The following SMARCA5 variants were observed in gnomAD, a reference collection of about 807,000 sequenced individuals.
SMARCA5 encodes the protein SNF2 related chromatin remodeling ATPase 5.
SMARCA5 carries 18 observed loss-of-function variants against 140.4 expected under a neutral mutation model. The ratio of observed to expected loss-of-function variants is 0.13; its 90% CI spans 0.09 to 0.19. The LOEUF is 0.19. Ranked by LOEUF, SMARCA5 falls within the 10% of genes least tolerant of loss-of-function variation. The pLI, the probability that SMARCA5 is intolerant of heterozygous loss-of-function variation, is 1.00. For missense variants in SMARCA5, 606 were observed against 1,276.8 expected, an observed-to-expected ratio of 0.47 and a Z score of 8.01; for synonymous variants, 449 against 419.6, an observed-to-expected ratio of 1.07 and a Z score of -0.86.
rs767698380 is a variant in SMARCA5, at chr4:143,527,873, T to G, written c.807T>G (p.Ala269=). Reference sequence around the variant, plus strand: ...TTTTTTCTCTTGTTACACAGGCTGCTTTTGTCAGAGACGTTTTATTACCGG... The same window carrying G: ...TTTTTTCTCTTGTTACACAGGCTGCGTTTGTCAGAGACGTTTTATTACCGG... ...CLIGDKEQRA[A]FVRDVLLPGE... The change falls in exon 7 of 24, where the codon GCT becomes GCG. Residue 269 remains alanine (A), a synonymous_variant. Transcript: ENST00000283131. The G allele has an allele frequency of 1.3e-6, 2 of 1,592,542 alleles. No homozygotes were observed. The highest frequency in any genetic ancestry group is 1.7e-6 in the Non-Finnish European group (2 of 1,174,824).
chr4:143,548,183 AG>A (rs1038905445), intron 22 of SMARCA5, 43 bp downstream of exon 22: 10 of 1,143,392 alleles, frequency 8.7e-6, no homozygotes, highest in African/African-American at 3.1e-5. Context: ...CAGAGTTCAG[AG>A]TAAGTGTCAT....
At chr4:143,535,443 G>A (rs1737283737) in intron 10 of SMARCA5, among the ~76,000 whole-genome samples, 1 of 152,092 alleles carries the variant, frequency 6.6e-6, no homozygotes, top group South Asian at 2.1e-4. Flanking sequence ...ATATTTAACT[G>A]CATACTTAAA....
At position 143,517,164 on chromosome 4, in the gene SMARCA5, G is replaced by A. The variant is rs75625733; in HGVS notation, c.178-191G>A. Among the ~76,000 whole-genome samples, 916 of 152,208 alleles carry A rather than the reference G, an allele frequency of 6.0e-3. 10 individuals carry two copies. Among genetic ancestry groups the A allele is most frequent in the African/African-American group, 0.021 (876 of 41,534 alleles). Reference sequence around the variant, plus strand: ...CAGTTTATATATATGGGTTAAATACGTTGTTATCCCCATAGTATCTAATAT... The same window carrying A: ...CAGTTTATATATATGGGTTAAATACATTGTTATCCCCATAGTATCTAATAT... On this transcript the variant is annotated intron_variant, in intron 1 of 23. Transcript: ENST00000283131.
chr4:143,555,127 GC>G lies in SMARCA5; in HGVS notation c.*1945del. The G allele has an allele frequency of 1.5e-6, 1 of 687,992 alleles. No individual in the cohort carries two copies. The highest frequency in any genetic ancestry group is 1.8e-5 in the Admixed American group (1 of 55,606). 42.6% of individuals were successfully genotyped at this position (687,992 alleles called of 1,614,324 possible). ...CACAGCTACTACTGCTACTGGAACTGCCTTAACCACTACTGCTACTGGAACT... is the reference window on the plus strand; with the variant it reads ...CACAGCTACTACTGCTACTGGAACTGCTTAACCACTACTGCTACTGGAACT... On this transcript the variant is annotated 3_prime_UTR_variant, in exon 24 of 24. Coordinates refer to ENST00000283131, the MANE Select transcript of SMARCA5 (RefSeq NM_003601.4).
In SMARCA5 at chr4:143,536,458, T is replaced by C. The variant is rs375574989; in HGVS notation, c.1275T>C (p.Thr425=). The change falls in exon 11 of 24, where the codon ACT becomes ACC. Residue 425 remains threonine (T), a synonymous_variant. Transcript: ENST00000283131. The part of the protein sequence containing the change: ...GLSKMQREWY[T]RILMKDIDIL... Reference sequence around the variant, plus strand: ...GTTTTTCTTCTTTGAATAGGTATACTCGGATATTAATGAAGGATATAGATA... The same window carrying C: ...GTTTTTCTTCTTTGAATAGGTATACCCGGATATTAATGAAGGATATAGATA... 26 of 1,608,800 alleles carry C rather than the reference T, an allele frequency of 1.6e-5. No homozygotes were observed. Among genetic ancestry groups the C allele is most frequent in the Non-Finnish European group, 2.2e-5 (26 of 1,175,460 alleles).
chr4:143,556,023 C>T lies in SMARCA5; in HGVS notation c.*2839C>T, dbSNP rs1737743423. The T allele has an allele frequency of 3.9e-5, 6 of 152,118 alleles. No individual in the cohort carries two copies. Among genetic ancestry groups the T allele is most frequent in the Admixed American group, 3.9e-4 (6 of 15,270 alleles). 9.4% of individuals were successfully genotyped at this position (152,118 alleles called of 1,614,324 possible). A position where few individuals can be genotyped will look rare whatever the true frequency, so the allele number is the denominator to read the frequency against. On this transcript the variant is annotated 3_prime_UTR_variant, in exon 24 of 24. Coordinates refer to ENST00000283131, the MANE Select transcript of SMARCA5 (RefSeq NM_003601.4). ...AAAGTTGAGAGAAGCAAATCCTAAGCATAGAGTACAAGTTGAGCATCCCTA... is the reference window on the plus strand; with the variant it reads ...AAAGTTGAGAGAAGCAAATCCTAAGTATAGAGTACAAGTTGAGCATCCCTA...
At chr4:143,536,027 G>A (rs1041260133) in intron 10 of SMARCA5, among the ~76,000 whole-genome samples, 1 of 152,000 alleles carries the variant, frequency 6.6e-6, no homozygotes, top group Non-Finnish European at 1.5e-5. Context: ...AGATGTTAGG[G>A]TTCTTACCTA....
At chr4:143,540,568 A>G in intron 14 of SMARCA5, 73 bp downstream of exon 14, 1 of 1,418,658 alleles carries the variant, frequency 7.0e-7, no homozygotes, top group Non-Finnish European at 9.6e-7. Flanking sequence ...ATCGTCTTAG[A>G]AGATTCTTGT....
At position 143,536,691 on chromosome 4, in the gene SMARCA5, C is replaced by A; in HGVS notation, c.1495+13C>A. ...TTAAAAGAACAAGGTATCGGTTACCCGTATCAAATTATCAAAACTGTTTTA... is the reference window on the plus strand; with the variant it reads ...TTAAAAGAACAAGGTATCGGTTACCAGTATCAAATTATCAAAACTGTTTTA... On this transcript the variant is annotated intron_variant, in intron 11 of 23. Transcript: ENST00000283131. 3.2e-6 allele frequency: 5 copies of A among 1,562,764 alleles called. No homozygotes were observed. Among genetic ancestry groups the A allele is most frequent in the Non-Finnish European group, 4.4e-6 (5 of 1,135,734 alleles).
At chr4:143,516,989 CAA>C (rs961622185) in intron 1 of SMARCA5, among the ~76,000 whole-genome samples, 1 of 152,116 alleles carries the variant, frequency 6.6e-6, no homozygotes, top group Admixed American at 6.5e-5. Flanking sequence ...AGTTTTATGA[CAA>C]AAGGGGAACT....
At chr4:143,539,355 T>C (rs563901292) in intron 13 of SMARCA5, among the ~76,000 whole-genome samples, 1 of 152,270 alleles carries the variant, frequency 6.6e-6, no homozygotes, top group African/African-American at 2.4e-5. Context: ...CCAAAGAGAA[T>C]TGGGTTTGAT....
At chr4:143,534,043 C>T (rs370913994) in intron 9 of SMARCA5, among the ~76,000 whole-genome samples, 2 of 152,078 alleles carry the variant, frequency 1.3e-5, no homozygotes, top group East Asian at 3.9e-4. Flanking sequence ...CAATAAACAC[C>T]GTTTTCCCAA....
chr4:143,536,232 C>G (rs1284377740), intron 10 of SMARCA5, among the ~76,000 whole-genome samples: 1 of 151,940 alleles, frequency 6.6e-6, no homozygotes, highest in African/African-American at 2.4e-5. Flanking sequence ...TCCTCAAGGC[C>G]CAAGGCGTAA....
In SMARCA5 at chr4:143,549,999, G is replaced by A; in HGVS notation, c.2988G>A (p.Glu996=). The part of the protein sequence containing the change: ...DWFLKSRTAM[E]LQRRCNTLIT... Reference sequence around the variant, plus strand: ...TACCATGTTTGTTTATAATTTAGGAGCTCCAGAGGAGATGTAATACCTTAA... The same window carrying A: ...TACCATGTTTGTTTATAATTTAGGAACTCCAGAGGAGATGTAATACCTTAA... The change falls in exon 23 of 24, where the codon GAG becomes GAA. Residue 996 remains glutamate (E), a splice_region_variant and synonymous_variant. Transcript: ENST00000283131. 6.5e-7 allele frequency: 1 copy of A among 1,547,522 alleles called. No homozygotes were observed.
intron 4 of SMARCA5, 61 bp downstream of exon 4, chr4:143,524,528 G>A: frequency 9.2e-7 from 1 of 1,083,714 alleles, no homozygotes. Context: ...TTTGGTTAAT[G>A]TTTTGGATTT....
intron 17 of SMARCA5, among the ~76,000 whole-genome samples, 191 bp downstream of exon 17, chr4:143,545,038 G>A (rs1466872526): frequency 1.3e-5 from 2 of 150,314 alleles, no homozygotes; most frequent in South Asian, 2.1e-4. Context: ...CGCCTCCCGG[G>A]TTCAAGCAAT....
intron 17 of SMARCA5, among the ~76,000 whole-genome samples, chr4:143,545,097 C>T (rs1737497164): frequency 6.6e-6 from 1 of 152,000 alleles, no homozygotes; most frequent in Non-Finnish European, 1.5e-5. Context: ...CACCCACCAC[C>T]ACCCCTGGCT....
In SMARCA5 at chr4:143,521,593, C is replaced by T; in HGVS notation, c.417C>T (p.Gly139=). The part of the protein sequence containing the change: ...KDEKQNLLSV[G]DYRHRRTEQE... ...AGAAGCAGAACTTACTATCCGTTGG[C>T]GAGTGAGTAATAGTTTAAACTTCAT... Residue 139 remains glycine, a splice_region_variant and synonymous_variant, in exon 3 of 24, where the codon GGC becomes GGT. Transcript: ENST00000283131. 2 of 1,608,916 alleles carry T rather than the reference C, an allele frequency of 1.2e-6. No homozygotes were observed. The highest frequency in any genetic ancestry group is 1.7e-6 in the Non-Finnish European group (2 of 1,177,848).
chr4:143,547,844 T>G, intron 21 of SMARCA5, 84 bp from the exon 22 acceptor site: 1 of 783,176 alleles, frequency 1.3e-6, no homozygotes, highest in Non-Finnish European at 2.0e-6. Flanking sequence ...ATGCAACATT[T>G]TAGCTAATTA....
Sources: allele counts gnomAD v4.1 joint callset (sites outside exome capture counted in the v4.1 genomes callset), GRCh38; gene constraint gnomAD v4.1.1; transcripts MANE v1.5; gene names NCBI Gene and HGNC (gene_info 2026-07-23, HGNC 2026-07-21).